Variants in NRXN1 observed in about 807,000 individuals in gnomAD.
The protein encoded by NRXN1 is neurexin 1, also known as neurexin-1.
NRXN1 carries 39 observed loss-of-function variants against 150.9 expected under a neutral mutation model. The observed-to-expected ratio is 0.26, with a 90% confidence interval of 0.20 to 0.34. The LOEUF is 0.34. Among genes scored for constraint, NRXN1 ranks in the 10% least tolerant of loss-of-function variants. The probability of loss-of-function intolerance (pLI) is 1.00; values close to 1 mark genes in which losing one functional copy is unlikely to be tolerated. For synonymous variants in NRXN1, 924 were observed against 757.0 expected, an observed-to-expected ratio of 1.22 and a Z score of -3.62; for missense variants, 1,815 against 1,949.9, an observed-to-expected ratio of 0.93 and a Z score of 1.30.
intron 12 of NRXN1, among the ~76,000 whole-genome samples, chr2:50,522,786 C>T (rs1302570530): frequency 8.2e-6 from 1 of 122,320 alleles, no homozygotes; most frequent in African/African-American, 3.4e-5. Context: ...GGCTGGAGTG[C>T]AATGGCGCAA....
At chr2:50,717,779 CTTT>C (rs1345466600) in intron 5 of NRXN1, among the ~76,000 whole-genome samples, 1 of 152,098 alleles carries the variant, frequency 6.6e-6, no homozygotes, top group African/African-American at 2.4e-5. Context: ...AGGTGGCACT[CTTT>C]TTACTGTGCC....
At chr2:50,362,938 A>C (rs1167651044) in intron 17 of NRXN1, among the ~76,000 whole-genome samples, 1 of 152,166 alleles carries the variant, frequency 6.6e-6, no homozygotes, top group Non-Finnish European at 1.5e-5. Flanking sequence ...ATAACACCAC[A>C]CATCTACAAC....
At chr2:50,889,433 A>C (rs753248551) in intron 5 of NRXN1, among the ~76,000 whole-genome samples, 1 of 151,688 alleles carries the variant, frequency 6.6e-6, no homozygotes, top group East Asian at 1.9e-4. Context: ...CTCAATAAAC[A>C]CTCCGTAAGT....
At chr2:50,697,324 T>C (rs1019959151) in intron 5 of NRXN1, among the ~76,000 whole-genome samples, 18 of 152,172 alleles carry the variant, frequency 1.2e-4, no homozygotes, top group African/African-American at 3.9e-4. Context: ...ATGATTAATA[T>C]GCTACAATGA....
chr2:50,544,497 C>T (rs1310659454), intron 9 of NRXN1, among the ~76,000 whole-genome samples: 1 of 152,114 alleles, frequency 6.6e-6, no homozygotes, highest in South Asian at 2.1e-4. Flanking sequence ...TTATTACCAT[C>T]TGTTTTCTGC....
chr2:50,777,775 TA>T (rs1324935584), intron 5 of NRXN1, among the ~76,000 whole-genome samples: 4 of 151,992 alleles, frequency 2.6e-5, no homozygotes, highest in African/African-American at 9.7e-5. Flanking sequence ...CATGATGAAA[TA>T]AAAAAGAACA....
At chr2:50,602,603 C>T (rs1676458103) in intron 8 of NRXN1, among the ~76,000 whole-genome samples, 1 of 151,896 alleles carries the variant, frequency 6.6e-6, no homozygotes, top group African/African-American at 2.4e-5. Flanking sequence ...TCCTTCCTTC[C>T]TTTTTCTCTC....
intron 2 of NRXN1, among the ~76,000 whole-genome samples, chr2:50,975,269 C>G (rs1417352006): frequency 2.0e-5 from 3 of 152,050 alleles, no homozygotes; most frequent in African/African-American, 7.2e-5. Context: ...ACCATATAAA[C>G]AAAAACTCTT....
intron 5 of NRXN1, among the ~76,000 whole-genome samples, chr2:50,878,117 C>A (rs1678880867): frequency 6.6e-6 from 1 of 151,852 alleles, no homozygotes; most frequent in South Asian, 2.1e-4. Context: ...TTAAAGAAAT[C>A]TGGGCAAAAC....
Position 50,346,324 on chromosome 2 carries a change from T to G in NRXN1, c.3365-109354A>C, listed in dbSNP as rs562173411. ...TGCAGAGCCCTCTTCTCTCTGGTGC[T>G]CAGGTCCCTTAGCTGAGCGCGGCGC... On this transcript the variant is annotated intron_variant, in intron 17 of 22. Coordinates refer to ENST00000401669, the MANE Select transcript of NRXN1 (RefSeq NM_001330078.2). The surrounding 1 kb of genome is among the most constrained non-coding windows in gnomAD (Gnocchi z 5.0). 1.6e-4 allele frequency among the ~76,000 whole-genome samples: 25 copies of G among 152,240 alleles called. No homozygotes were observed. Among genetic ancestry groups the G allele is most frequent in the African/African-American group, 6.0e-4 (25 of 41,554 alleles).
chr2:50,386,708 G>T (rs999011972), intron 17 of NRXN1, among the ~76,000 whole-genome samples: 1 of 152,140 alleles, frequency 6.6e-6, no homozygotes, highest in African/African-American at 2.4e-5. Flanking sequence ...GACAGTTATT[G>T]CATCCTGTGG....
intron 5 of NRXN1, among the ~76,000 whole-genome samples, chr2:50,769,180 C>T (rs1574413029): frequency 6.6e-6 from 1 of 152,006 alleles, no homozygotes; most frequent in South Asian, 2.1e-4. Context: ...TTTGTCCTCC[C>T]TACCACTCAG....
In NRXN1 at chr2:50,465,664, A is replaced by G; in HGVS notation, c.3245-103T>C. 5.6e-6 allele frequency: 7 copies of G among 1,254,950 alleles called. No individual in the cohort carries two copies. The South Asian group carries it at 1.2e-4, about 22-fold the overall frequency. The allele number at this position is 1,254,950 out of a possible 1,614,324, so 77.7% of individuals were successfully genotyped here. A position where few individuals can be genotyped will look rare whatever the true frequency, so the allele number is the denominator to read the frequency against. On this transcript the variant is annotated intron_variant, in intron 16 of 22. Coordinates refer to ENST00000401669, the MANE Select transcript of NRXN1 (RefSeq NM_001330078.2). ...AGTAGTTGCCAACACCACAGATGAT[A>G]TGTCCAAACTAGTTTTTAAAGTTCT...
At chr2:50,139,126 G>A (rs1706857663) in intron 18 of NRXN1, among the ~76,000 whole-genome samples, 1 of 152,134 alleles carries the variant, frequency 6.6e-6, no homozygotes, top group African/African-American at 2.4e-5. Flanking sequence ...AGGCATTTGA[G>A]ACTAGCCTAA....
chr2:50,794,504 A>T (rs1335264039), intron 5 of NRXN1, among the ~76,000 whole-genome samples: 1 of 152,112 alleles, frequency 6.6e-6, no homozygotes, highest in Admixed American at 6.6e-5. Context: ...ACTCTTTCAT[A>T]CCATTATGTG....
intron 5 of NRXN1, among the ~76,000 whole-genome samples, chr2:50,667,482 G>A (rs1277923544): frequency 6.6e-6 from 1 of 151,964 alleles, no homozygotes; most frequent in Non-Finnish European, 1.5e-5. Context: ...CATTCTGCAA[G>A]TAATGATATG....
chr2:49,967,629 C>T (rs1677184688), intron 21 of NRXN1, among the ~76,000 whole-genome samples: 1 of 152,096 alleles, frequency 6.6e-6, no homozygotes, highest in Admixed American at 6.6e-5. Flanking sequence ...CATATCTTTT[C>T]TTAAAGTACT....
intron 22 of NRXN1, among the ~76,000 whole-genome samples, chr2:49,942,129 C>G (rs1412159425): frequency 6.6e-6 from 1 of 152,038 alleles, no homozygotes; most frequent in Non-Finnish European, 1.5e-5. Flanking sequence ...ATTGCAGAGG[C>G]CAATGAGCTG....
intron 17 of NRXN1, among the ~76,000 whole-genome samples, chr2:50,421,459 T>C (rs2083993223): frequency 6.6e-6 from 1 of 152,156 alleles, no homozygotes; most frequent in South Asian, 2.1e-4. Flanking sequence ...ATCATGCTTG[T>C]CAGGATATTC....
Sources: gnomAD v4.1 joint callset for allele counts (sites outside exome capture counted in the v4.1 genomes callset) on GRCh38, gnomAD v4.1.1 for gene constraint, Gnocchi (gnomAD v3.1) non-coding constraint, MANE v1.5 for transcripts, NCBI Gene and HGNC (gene_info 2026-07-23, HGNC 2026-07-21) for gene names.